CNTLN: variants seen among roughly 807,000 people sequenced by gnomAD.
CNTLN encodes the protein centlein, centrosomal protein.
A neutral mutation model predicts 180.0 loss-of-function variants in CNTLN; 212 were observed. The ratio of observed to expected loss-of-function variants is 1.18; its 90% confidence interval spans 1.05 to 1.32. The LOEUF (loss-of-function observed/expected upper bound fraction) is 1.32, where lower values mean the gene tolerates loss of function less well. Ranked by LOEUF, CNTLN falls within the 40% of genes most tolerant of loss-of-function variation. CNTLN has a pLI of 0.00. For missense variants in CNTLN, 2,095 were observed against 1,610.9 expected (o/e 1.30, Z -5.14); for synonymous variants, 722 against 563.1 (o/e 1.28, Z -3.99).
intron 25 of CNTLN, among the ~76,000 whole-genome samples, chr9:17,499,615 A>C (rs971071131): frequency 5.3e-5 from 8 of 152,196 alleles, no homozygotes; most frequent in East Asian, 1.9e-4. Context: ...CAGCTACTTA[A>C]ATTTTTTTAA....
intron 19 of CNTLN, among the ~76,000 whole-genome samples, chr9:17,462,508 G>A (rs756864040): frequency 6.6e-6 from 1 of 151,798 alleles, no homozygotes; most frequent in Non-Finnish European, 1.5e-5. Flanking sequence ...GGATTCCCCT[G>A]CTTGATGAGC....
At chr9:17,301,239 C>T in intron 7 of CNTLN, 1 of 985,354 alleles carries the variant, frequency 1.0e-6, no homozygotes, top group Non-Finnish European at 1.2e-6. Flanking sequence ...GCTTATATGC[C>T]CCTATTTGGC....
intron 7 of CNTLN, among the ~76,000 whole-genome samples, chr9:17,305,758 G>T (rs546274307): frequency 5.3e-5 from 8 of 152,252 alleles, no homozygotes; most frequent in African/African-American, 1.7e-4. Context: ...GTTAAAAATG[G>T]CTGGAGGACT....
At chr9:17,469,625 T>A (rs1027743156) in intron 23 of CNTLN, among the ~76,000 whole-genome samples, 1 of 151,864 alleles carries the variant, frequency 6.6e-6, no homozygotes, top group Non-Finnish European at 1.5e-5. Context: ...ACTTAAGACC[T>A]TCCATAGCTG....
the CNTLN span, among the ~76,000 whole-genome samples, chr9:17,510,844 C>A: frequency 6.6e-6 from 1 of 152,158 alleles, no homozygotes; most frequent in Non-Finnish European, 1.5e-5. Context: ...TATTCAAGTA[C>A]AGGTTTTTGT....
intron 1 of CNTLN, among the ~76,000 whole-genome samples, chr9:17,141,589 T>C (rs1197920418): frequency 6.6e-6 from 1 of 152,014 alleles, no homozygotes; most frequent in Non-Finnish European, 1.5e-5. Context: ...TGGATTAGTT[T>C]CCTAATTTAA....
intron 8 of CNTLN, among the ~76,000 whole-genome samples, chr9:17,312,365 T>A (rs28615708): frequency 0.055 from 380 of 6,932 alleles, 8 homozygotes; most frequent in South Asian, 0.25. Context: ...ATATATATAT[T>A]ATATATATAT....
In CNTLN at chr9:17,185,464, G is replaced by C. The variant is rs540515878; in HGVS notation, c.450-40739G>C. Among the ~76,000 whole-genome samples the C allele has an allele frequency of 2.6e-5, 4 of 152,264 alleles. No individual in the cohort carries two copies. In the South Asian group the frequency reaches 8.3e-4, roughly 32 times the overall value. Reference sequence around the variant, plus strand: ...TAAGTCACTATTTGTCACAGCAAACGTTTTCTTTTTAATTGTCATTTGGCT... The same window carrying C: ...TAAGTCACTATTTGTCACAGCAAACCTTTTCTTTTTAATTGTCATTTGGCT... On this transcript the variant is annotated intron_variant, in intron 2 of 25. Coordinates refer to ENST00000380647, the MANE Select transcript of CNTLN (RefSeq NM_017738.4).
intron 2 of CNTLN, among the ~76,000 whole-genome samples, chr9:17,206,290 A>G (rs1341116052): frequency 6.6e-6 from 1 of 152,226 alleles, no homozygotes; most frequent in Non-Finnish European, 1.5e-5. Flanking sequence ...CTTGTTACTT[A>G]AATTACACAT....
intron 2 of CNTLN, among the ~76,000 whole-genome samples, chr9:17,219,729 G>C (rs1009031112): frequency 6.6e-6 from 1 of 152,014 alleles, no homozygotes; most frequent in Non-Finnish European, 1.5e-5. Context: ...GTCTTAGTCA[G>C]TTCTGACTGC....
chr9:17,319,051 G>A (rs1430628827), intron 8 of CNTLN, among the ~76,000 whole-genome samples: 5 of 152,162 alleles, frequency 3.3e-5, no homozygotes, highest in Non-Finnish European at 7.4e-5. Flanking sequence ...AAACAAATAG[G>A]AACCTGTGGA....
chr9:17,358,949 G>C (rs1288748226), intron 12 of CNTLN, among the ~76,000 whole-genome samples: 1 of 152,084 alleles, frequency 6.6e-6, no homozygotes, highest in Non-Finnish European at 1.5e-5. Flanking sequence ...AGCTTTTAGA[G>C]GAAAACATAG....
At chr9:17,441,864 A>C (rs905207146) in intron 18 of CNTLN, among the ~76,000 whole-genome samples, 1 of 152,200 alleles carries the variant, frequency 6.6e-6, no homozygotes, top group Admixed American at 6.5e-5. Flanking sequence ...TATATTCCAT[A>C]CAAAGGGTAA....
intron 3 of CNTLN, among the ~76,000 whole-genome samples, chr9:17,234,385 G>A (rs922541452): frequency 3.3e-5 from 5 of 152,162 alleles, no homozygotes; most frequent in East Asian, 1.9e-4. Flanking sequence ...CGAGGCTGCC[G>A]TGAGCCATGA....
At chr9:17,481,798 G>A (rs1250500034) in intron 23 of CNTLN, among the ~76,000 whole-genome samples, 2 of 152,174 alleles carry the variant, frequency 1.3e-5, no homozygotes, top group Non-Finnish European at 2.9e-5. Context: ...CTGTCTGACT[G>A]CAGAGCCCAA....
At chr9:17,344,677 A>G (rs1238674971) in intron 12 of CNTLN, among the ~76,000 whole-genome samples, 1 of 152,212 alleles carries the variant, frequency 6.6e-6, no homozygotes, top group African/African-American at 2.4e-5. Context: ...CAAAAGTGTC[A>G]TGATAAAACA....
intron 3 of CNTLN, among the ~76,000 whole-genome samples, chr9:17,231,661 C>G (rs1288422615): frequency 1.3e-5 from 2 of 152,060 alleles, no homozygotes; most frequent in Non-Finnish European, 2.9e-5. Flanking sequence ...CTCCACTTAT[C>G]ATTGCTTTAG....
At chr9:17,494,362 T>A (rs1010095977) in intron 25 of CNTLN, among the ~76,000 whole-genome samples, 9 of 151,684 alleles carry the variant, frequency 5.9e-5, no homozygotes, top group African/African-American at 1.5e-4. Context: ...AAGCTGAAAA[T>A]TTTTTTTTAA....
intron 5 of CNTLN, among the ~76,000 whole-genome samples, chr9:17,270,947 C>CTTTTTTTTT (rs78896738): frequency 6.5e-5 from 8 of 122,142 alleles, no homozygotes; most frequent in African/African-American, 1.3e-4. Flanking sequence ...GAGAGGAGTT[C>CTTTTTTTTT]TTTTTTTTTT....
Sources: gnomAD v4.1 joint callset for allele counts (sites outside exome capture counted in the v4.1 genomes callset) on GRCh38, gnomAD v4.1.1 for gene constraint, MANE v1.5 for transcripts, NCBI Gene and HGNC (gene_info 2026-07-23, HGNC 2026-07-21) for gene names.